DOCK3: variants seen among roughly 807,000 people sequenced by gnomAD.
DOCK3 encodes the protein dedicator of cytokinesis 3.
A neutral mutation model predicts 265.6 loss-of-function variants in DOCK3; 60 were observed. That is an observed-to-expected ratio of 0.23 (90% CI 0.18 to 0.28). The LOEUF is 0.28. DOCK3 is among the 10% of genes least tolerant of loss of function. DOCK3 has a pLI of 1.00. For missense variants in DOCK3, 1,981 were observed against 2,594.3 expected (o/e 0.76, Z 5.14); for synonymous variants, 881 against 938.0 (o/e 0.94, Z 1.11).
At chr3:50,928,077 T>C (rs748471862) in intron 4 of DOCK3, among the ~76,000 whole-genome samples, 2 of 151,414 alleles carry the variant, frequency 1.3e-5, no homozygotes, top group African/African-American at 2.4e-5. Context: ...ATCCTCTCTA[T>C]TGAGGTTTCC....
chr3:51,184,883 G>C (rs1028229714), intron 12 of DOCK3, among the ~76,000 whole-genome samples: 10 of 152,192 alleles, frequency 6.6e-5, no homozygotes, highest in Admixed American at 1.3e-4. Flanking sequence ...CATGCTGATA[G>C]TATGTACCCT....
intron 32 of DOCK3, among the ~76,000 whole-genome samples, chr3:51,321,345 G>A (rs1164516702): frequency 2.6e-5 from 4 of 152,038 alleles, no homozygotes; most frequent in Non-Finnish European, 4.4e-5. Context: ...AAAGACCAAC[G>A]GTAGATAAAT....
chr3:51,112,249 C>T lies in DOCK3; in HGVS notation c.746+21865C>T, dbSNP rs192620808. 8.5e-4 allele frequency among the ~76,000 whole-genome samples: 130 copies of T among 152,196 alleles called. 1 individual carries two copies. The South Asian group carries it at 0.015, about 18-fold the overall frequency. On this transcript the variant is annotated intron_variant, in intron 9 of 52. Coordinates refer to ENST00000266037, the MANE Select transcript of DOCK3 (RefSeq NM_004947.5). ...AATATAAATCATTCTGTTATAAAGA[C>T]ACATGCATGCATATGTTCATTGTAG...
chr3:51,121,312 T>C (rs2084006610), intron 9 of DOCK3, among the ~76,000 whole-genome samples: 2 of 152,160 alleles, frequency 1.3e-5, no homozygotes, highest in Admixed American at 6.5e-5. Context: ...TCGCCCTCCA[T>C]GGGCTACACC....
chr3:51,119,743 T>C (rs563581837), intron 9 of DOCK3, among the ~76,000 whole-genome samples: 2 of 152,130 alleles, frequency 1.3e-5, no homozygotes, highest in Non-Finnish European at 2.9e-5. Context: ...TTTCTTCTGC[T>C]TGATCAGTTC....
intron 49 of DOCK3, among the ~76,000 whole-genome samples, chr3:51,363,440 C>A (rs1018888737): frequency 2.6e-5 from 4 of 152,118 alleles, no homozygotes; most frequent in African/African-American, 9.7e-5. Context: ...GAGGGAGTCT[C>A]TTTGTTCTTC....
intron 51 of DOCK3, among the ~76,000 whole-genome samples, chr3:51,376,770 C>T (rs1255202041): frequency 6.6e-6 from 1 of 152,222 alleles, no homozygotes; most frequent in Non-Finnish European, 1.5e-5. Context: ...GTGCTGTCCC[C>T]ACTGTTATGC....
chr3:51,379,729 T>C (rs937927059), intron 51 of DOCK3, among the ~76,000 whole-genome samples: 5 of 152,228 alleles, frequency 3.3e-5, no homozygotes, highest in African/African-American at 9.7e-5. Flanking sequence ...CTGCTGGGCT[T>C]TGGGGTCAGT....
intron 1 of DOCK3, among the ~76,000 whole-genome samples, chr3:50,716,399 G>A (rs2037113565): frequency 6.6e-6 from 1 of 151,958 alleles, no homozygotes; most frequent in East Asian, 1.9e-4. Context: ...GTGGTGGCAG[G>A]CACCTGTAGT....
At chr3:50,705,040 T>TTC (rs1222430400) in intron 1 of DOCK3, among the ~76,000 whole-genome samples, 6 of 151,578 alleles carry the variant, frequency 4.0e-5, no homozygotes, top group Non-Finnish European at 8.8e-5. Context: ...TGATTTTTTT[T>TTC]TTTTTTTTAA....
rs906040528 is a variant in DOCK3, at chr3:50,750,309, C to T, written c.38-28366C>T. Among the ~76,000 whole-genome samples, 6 of 147,628 alleles carry T rather than the reference C, an allele frequency of 4.1e-5. 1 individual carries two copies. Among genetic ancestry groups the T allele is most frequent in the Non-Finnish European group, 8.9e-5 (6 of 67,276 alleles). On this transcript the variant is annotated intron_variant, in intron 1 of 52. Coordinates refer to ENST00000266037, the MANE Select transcript of DOCK3 (RefSeq NM_004947.5). Reference sequence around the variant, plus strand: ...GGGGACCTCTGCCTTAAAGAGTTTACAGTCTACCTTTGATTTTTTTTTTTT... The same window carrying T: ...GGGGACCTCTGCCTTAAAGAGTTTATAGTCTACCTTTGATTTTTTTTTTTT...
intron 3 of DOCK3, among the ~76,000 whole-genome samples, chr3:50,870,902 C>CT (rs2047402020): frequency 6.6e-6 from 1 of 152,038 alleles, no homozygotes; most frequent in Non-Finnish European, 1.5e-5. Context: ...AAAAACTTCA[C>CT]TTTAATTCCC....
intron 23 of DOCK3, among the ~76,000 whole-genome samples, chr3:51,269,729 G>C (rs190790121): frequency 3.3e-5 from 5 of 152,300 alleles, no homozygotes; most frequent in Admixed American, 3.3e-4. Context: ...AGGGGACTGA[G>C]AAGTGAAAAG....
chr3:51,161,187 G>A (rs1294382298), intron 12 of DOCK3, among the ~76,000 whole-genome samples: 1 of 152,052 alleles, frequency 6.6e-6, no homozygotes, highest in Non-Finnish European at 1.5e-5. Context: ...GCTCACGCCT[G>A]TAATCCCAGC....
chr3:51,052,514 G>T lies in DOCK3; in HGVS notation c.316-11934G>T, dbSNP rs116135679. On this transcript the variant is annotated intron_variant, in intron 5 of 52. Transcript: ENST00000266037. The stretch of plus-strand genomic sequence containing the variant: ...GACCCTGTCTAAAAAATGAATGAAT[G>T]AATGGACTAGAGTAGACTAGAGGTA... Among the ~76,000 whole-genome samples, 1,156 of 152,206 alleles carry T rather than the reference G, an allele frequency of 7.6e-3. 16 individuals are homozygous for T. The highest frequency in any genetic ancestry group is 0.026 in the African/African-American group (1,095 of 41,534).
intron 5 of DOCK3, among the ~76,000 whole-genome samples, chr3:51,031,185 A>C (rs138187759): frequency 6.6e-6 from 1 of 152,058 alleles, no homozygotes; most frequent in Admixed American, 6.6e-5. Context: ...TTGATCAGCT[A>C]CTTTGTTGGT....
intron 6 of DOCK3, among the ~76,000 whole-genome samples, chr3:51,071,937 T>G (rs1405214211): frequency 6.6e-6 from 1 of 152,190 alleles, no homozygotes; most frequent in African/African-American, 2.4e-5. Flanking sequence ...CAAACTACCC[T>G]TTATCCATTA....
intron 5 of DOCK3, among the ~76,000 whole-genome samples, chr3:50,977,966 T>A (rs2077528093): frequency 6.6e-6 from 1 of 152,158 alleles, no homozygotes; most frequent in South Asian, 2.1e-4. Flanking sequence ...TTCTTCCCGT[T>A]GTTCTCGAGC....
intron 9 of DOCK3, among the ~76,000 whole-genome samples, chr3:51,105,788 G>A (rs1447789198): frequency 6.6e-6 from 1 of 152,168 alleles, no homozygotes; most frequent in Non-Finnish European, 1.5e-5. Flanking sequence ...AGCAAATGGA[G>A]GGAAGACATA....
Sources: allele counts gnomAD v4.1 joint callset (sites outside exome capture counted in the v4.1 genomes callset), GRCh38; gene constraint gnomAD v4.1.1; transcripts MANE v1.5; gene names NCBI Gene and HGNC (gene_info 2026-07-23, HGNC 2026-07-21).